The following CHIA variants were observed in gnomAD, a reference collection of about 807,000 sequenced individuals.
The protein encoded by CHIA is acidic mammalian chitinase.
In CHIA, 47 loss-of-function variants were observed where a neutral mutation model predicts 53.5. The ratio of observed to expected loss-of-function variants is 0.88; its 90% confidence interval spans 0.70 to 1.12. The LOEUF is 1.12. Ranked by LOEUF, CHIA falls within the 50% of genes most tolerant of loss-of-function variation. The pLI, the probability that CHIA is intolerant of heterozygous loss-of-function variation, is 0.00. For missense variants in CHIA, 652 were observed against 592.2 expected, an observed-to-expected ratio of 1.10 and a Z score of -1.05; for synonymous variants, 268 against 222.2, an observed-to-expected ratio of 1.21 and a Z score of -1.83.
chr1:111,308,820 T>G (rs916023422), intron 1 of CHIA, among the ~76,000 whole-genome samples: 1 of 152,214 alleles, frequency 6.6e-6, no homozygotes, highest in African/African-American at 2.4e-5. Flanking sequence ...CTGTATTCTT[T>G]TTGATTCTGT....
intron 1 of CHIA, among the ~76,000 whole-genome samples, chr1:111,309,489 A>G (rs571348455): frequency 4.9e-4 from 74 of 152,368 alleles, no homozygotes; most frequent in Non-Finnish European, 9.7e-4. Context: ...AAGATAGAAA[A>G]GATCTGAGTT....
intron 1 of CHIA, among the ~76,000 whole-genome samples, chr1:111,300,892 CA>C (rs901844510): frequency 2.6e-5 from 4 of 152,086 alleles, no homozygotes; most frequent in Admixed American, 6.5e-5. Context: ...AAGAAAAAAA[CA>C]AACAACCCCA....
intron 1 of CHIA, among the ~76,000 whole-genome samples, chr1:111,303,230 G>T (rs991826758): frequency 1.3e-5 from 2 of 152,114 alleles, no homozygotes; most frequent in Admixed American, 6.5e-5. Flanking sequence ...TTTGATTGAA[G>T]CATTAATATA....
Position 111,310,453 on chromosome 1 carries a change from G to T in CHIA, c.-15G>T, listed in dbSNP as rs745525128. On this transcript the variant is annotated 5_prime_UTR_variant, in exon 2 of 12. Coordinates refer to ENST00000369740, the MANE Select transcript of CHIA (RefSeq NM_201653.4). ...ACATATAAAAAGCTCTGCGGGACTG[G>T]TGCTGACTGCAACCATGACAAAGCT... The T allele has an allele frequency of 6.2e-7, 1 of 1,608,340 alleles. No individual in the cohort carries two copies. The highest frequency in any genetic ancestry group is 1.1e-5 in the South Asian group (1 of 90,872).
At chr1:111,303,157 A>G (rs1427939052) in intron 1 of CHIA, among the ~76,000 whole-genome samples, 1 of 152,088 alleles carries the variant, frequency 6.6e-6, no homozygotes, top group Non-Finnish European at 1.5e-5. Context: ...ATCTAAAATG[A>G]GTCTCTTGTA....
At chr1:111,311,465 T>C (rs1025020491) in intron 2 of CHIA, among the ~76,000 whole-genome samples, 1 of 152,180 alleles carries the variant, frequency 6.6e-6, no homozygotes, top group Non-Finnish European at 1.5e-5. Context: ...AACATTTATT[T>C]GTGACAAGAA....
At chr1:111,297,901 C>CAAAAAAAAAAAAAAAAAAAAAAA (rs1188512345) in intron 1 of CHIA, among the ~76,000 whole-genome samples, 21 of 31,840 alleles carry the variant, frequency 6.6e-4, no homozygotes, top group Non-Finnish European at 7.0e-4. Context: ...AAATGGAAAG[C>CAAAAAAAAAAAAAAAAAAAAAAA]AAAAAAAAAA....
intron 1 of CHIA, 90 bp from the exon 2 acceptor site, chr1:111,310,310 A>G (rs1648558688): frequency 1.4e-6 from 2 of 1,418,184 alleles, no homozygotes; most frequent in Non-Finnish European, 1.9e-6. Context: ...GTGTAGGTTG[A>G]AGGTCTTGGG....
At chr1:111,308,681 C>T (rs1015532145) in intron 1 of CHIA, among the ~76,000 whole-genome samples, 1 of 152,240 alleles carries the variant, frequency 6.6e-6, no homozygotes, top group Non-Finnish European at 1.5e-5. Flanking sequence ...CAACAATATG[C>T]TTTTTCCCCA....
At position 111,318,090 on chromosome 1, in the gene CHIA, G is replaced by A; in HGVS notation, c.710G>A (p.Ser237Asn). ...TACAAATACCCGACTGACACCGGCAGCAACGCCTACCTCAATGTGGTGAGT... is the reference window on the plus strand; with the variant it reads ...TACAAATACCCGACTGACACCGGCAACAACGCCTACCTCAATGTGGTGAGT... ...PLYKYPTDTG[S>N]NAYLNVDYVM... is the part of the protein sequence containing the mutation. The change falls in exon 8 of 12, where the codon AGC (serine) becomes AAC (asparagine). Residue 237 changes from serine (S) to asparagine (N), a missense_variant. Coordinates refer to ENST00000369740, the MANE Select transcript of CHIA (RefSeq NM_201653.4). The A allele has an allele frequency of 6.2e-7, 1 of 1,612,982 alleles. No homozygotes were observed. Among genetic ancestry groups the A allele is most frequent in the Non-Finnish European group, 8.5e-7 (1 of 1,178,998 alleles).
intron 1 of CHIA, among the ~76,000 whole-genome samples, chr1:111,304,957 T>C (rs1467321618): frequency 1.3e-5 from 2 of 152,148 alleles, no homozygotes; most frequent in Non-Finnish European, 2.9e-5. Flanking sequence ...AGAGATGTGA[T>C]CTTTCTGTGT....
At chr1:111,313,008 TATTC>T (rs138084895) in intron 4 of CHIA, among the ~76,000 whole-genome samples, 6,675 of 152,296 alleles carry the variant, frequency 0.044, 213 homozygotes, top group Middle Eastern at 0.071. Context: ...GACTTAATAG[TATTC>T]ATTGTATATA....
chr1:111,315,062 G>A (rs1478947904), intron 5 of CHIA: 5 of 520,358 alleles, frequency 9.6e-6, no homozygotes, highest in African/African-American at 5.8e-5. Flanking sequence ...GCAGAGTTGG[G>A]GGGATAACAG....
chr1:111,319,132 C>G lies in CHIA; in HGVS notation c.928C>G (p.Leu310Val), dbSNP rs779690824. The change falls in exon 10 of 12, where the codon CTG becomes GTG. Residue 310 changes from leucine to valine, a missense_variant. By Grantham distance (32) the Leu-to-Val change is conservative (BLOSUM62 1). Coordinates refer to ENST00000369740, the MANE Select transcript of CHIA (RefSeq NM_201653.4). ...TGACTTTTGAAAGATCTGTACCTTC[C>G]TGAAAAATGGAGCCACTCAGGGATG... ...IWAYYEICTF[L>V]KNGATQGWDA... 1 of 1,614,006 alleles carries G rather than the reference C, an allele frequency of 6.2e-7. No homozygotes were observed. The highest frequency in any genetic ancestry group is 8.5e-7 in the Non-Finnish European group (1 of 1,179,958).
chr1:111,297,230 C>A (rs1178658318), intron 1 of CHIA, among the ~76,000 whole-genome samples: 2 of 152,128 alleles, frequency 1.3e-5, no homozygotes, highest in Non-Finnish European at 2.9e-5. Context: ...GAGAACACCA[C>A]AAAGATCCTC....
intron 1 of CHIA, among the ~76,000 whole-genome samples, chr1:111,299,133 A>G (rs1647484307): frequency 6.6e-6 from 1 of 152,186 alleles, no homozygotes; most frequent in African/African-American, 2.4e-5. Flanking sequence ...GACCAGATGG[A>G]TTCACAGCCG....
At chr1:111,292,001 T>A (rs1045800048) in intron 1 of CHIA, among the ~76,000 whole-genome samples, 2 of 152,106 alleles carry the variant, frequency 1.3e-5, no homozygotes. Flanking sequence ...AAAATAGAAT[T>A]AAATTAAATC....
At chr1:111,297,845 A>T (rs1445101512) in intron 1 of CHIA, among the ~76,000 whole-genome samples, 2 of 149,846 alleles carry the variant, frequency 1.3e-5, no homozygotes, top group African/African-American at 4.9e-5. Flanking sequence ...ATGTACAAAG[A>T]CATACATAGG....
At chr1:111,319,696 G>T (rs897830108) in intron 11 of CHIA, among the ~76,000 whole-genome samples, 6 of 152,190 alleles carry the variant, frequency 3.9e-5, no homozygotes, top group Non-Finnish European at 7.3e-5. Flanking sequence ...AGTCTGCTAA[G>T]TCTTAAGGGT....
Sources: allele counts gnomAD v4.1 joint callset (sites outside exome capture counted in the v4.1 genomes callset), GRCh38; gene constraint gnomAD v4.1.1; transcripts MANE v1.5; gene names NCBI Gene and HGNC (gene_info 2026-07-23, HGNC 2026-07-21).